The following CNTNAP2 variants were observed in gnomAD, a reference collection of about 807,000 sequenced individuals.
CNTNAP2 encodes the protein contactin-associated protein-like 2.
A neutral mutation model predicts 155.2 loss-of-function variants in CNTNAP2; 98 were observed. The ratio of observed to expected loss-of-function variants is 0.63; its 90% confidence interval spans 0.54 to 0.75. The LOEUF is 0.75. CNTNAP2 is among the 30% of genes least tolerant of loss of function. The probability of loss-of-function intolerance (pLI) is 0.00; values close to 1 mark genes in which losing one functional copy is unlikely to be tolerated. For synonymous variants in CNTNAP2, 651 were observed against 631.2 expected (o/e 1.03, Z -0.47); for missense variants, 1,727 against 1,688.1 (o/e 1.02, Z -0.40).
chr7:148,304,687 C>T (rs1563033772), intron 21 of CNTNAP2, among the ~76,000 whole-genome samples: 1 of 152,200 alleles, frequency 6.6e-6, no homozygotes, highest in East Asian at 1.9e-4. Flanking sequence ...TGTCCTTTAC[C>T]GTCTCCTAGG....
At chr7:146,851,693 TGTGTGTG>T (rs1454070883) in intron 3 of CNTNAP2, among the ~76,000 whole-genome samples, 7 of 147,302 alleles carry the variant, frequency 4.8e-5, no homozygotes, top group African/African-American at 1.8e-4. Flanking sequence ...TGTGTGTGTG[TGTGTGTG>T]TTTTGATGGT....
In CNTNAP2 at chr7:147,378,228, C is replaced by T. The variant is rs899670769; in HGVS notation, c.1499-17381C>T. On this transcript the variant is annotated intron_variant, in intron 9 of 23. Coordinates refer to ENST00000361727, the MANE Select transcript of CNTNAP2 (RefSeq NM_014141.6). The stretch of plus-strand genomic sequence containing the variant: ...ATCTACCTTTCAGTTTACAAACTCA[C>T]TCTGTAGCTTTGTCTCATCTGCTTA... 4.3e-5 allele frequency: 12 copies of T among 276,422 alleles called. No individual in the cohort carries two copies. In the Admixed American group the frequency reaches 5.9e-4, roughly 14 times the overall value. The allele number at this position is 276,422 out of a possible 1,614,324, so 17.1% of individuals were successfully genotyped here. A position where few individuals can be genotyped will look rare whatever the true frequency, so the allele number is the denominator to read the frequency against.
chr7:146,344,422 AT>A (rs1329666635), intron 1 of CNTNAP2, among the ~76,000 whole-genome samples: 1 of 151,926 alleles, frequency 6.6e-6, no homozygotes, highest in Non-Finnish European at 1.5e-5. Context: ...AAACTTCCTT[AT>A]GCAGTGTTGC....
At chr7:147,524,991 T>A (rs1343618970) in intron 11 of CNTNAP2, among the ~76,000 whole-genome samples, 1 of 152,222 alleles carries the variant, frequency 6.6e-6, no homozygotes, top group East Asian at 1.9e-4. Context: ...TTATATCTTG[T>A]TAGCAGGCAA....
intron 1 of CNTNAP2, among the ~76,000 whole-genome samples, chr7:146,619,278 G>A (rs1280731846): frequency 2.0e-5 from 3 of 151,908 alleles, no homozygotes; most frequent in Admixed American, 6.6e-5. Context: ...AAACCCAAAT[G>A]GTGAATTAAA....
chr7:148,153,020 CA>C (rs373499312), intron 17 of CNTNAP2, among the ~76,000 whole-genome samples: 103 of 22,674 alleles, frequency 4.5e-3, no homozygotes, highest in African/African-American at 4.5e-3. Flanking sequence ...GACTCCGTCT[CA>C]AAAAAAAAAA....
chr7:146,417,847 A>T lies in CNTNAP2; in HGVS notation c.97+300874A>T, dbSNP rs909344468. Reference sequence around the variant, plus strand: ...CATCACATAAATCATAAACATCTTCACCAGAAAGTTTTCACTTATTCATTC... The same window carrying T: ...CATCACATAAATCATAAACATCTTCTCCAGAAAGTTTTCACTTATTCATTC... On this transcript the variant is annotated intron_variant, in intron 1 of 23. Transcript: ENST00000361727. Among the ~76,000 whole-genome samples, 9 of 152,284 alleles carry T rather than the reference A, an allele frequency of 5.9e-5. No homozygotes were observed. In the East Asian group the frequency reaches 1.7e-3, roughly 29 times the overall value.
chr7:147,681,383 G>A (rs1029013077), intron 13 of CNTNAP2, among the ~76,000 whole-genome samples: 12 of 151,870 alleles, frequency 7.9e-5, no homozygotes, highest in African/African-American at 2.9e-4. Flanking sequence ...GTGCTTTGGG[G>A]TGTAAGACCC....
At chr7:146,194,848 T>G (rs1174302180) in intron 1 of CNTNAP2, among the ~76,000 whole-genome samples, 1 of 152,186 alleles carries the variant, frequency 6.6e-6, no homozygotes, top group African/African-American at 2.4e-5. Context: ...AGTAGCAAAA[T>G]GTAGTAAGAA....
intron 13 of CNTNAP2, among the ~76,000 whole-genome samples, chr7:147,808,550 C>A (rs1384100793): frequency 1.3e-5 from 2 of 152,208 alleles, no homozygotes; most frequent in Non-Finnish European, 2.9e-5. Flanking sequence ...CTGTGTCTAA[C>A]CCTTGTCCCC....
chr7:147,473,528 T>A (rs1055133433), intron 10 of CNTNAP2, among the ~76,000 whole-genome samples: 15 of 152,070 alleles, frequency 9.9e-5, no homozygotes, highest in Non-Finnish European at 2.1e-4. Flanking sequence ...ATGTAAGTAA[T>A]TTGTTTTAAT....
intron 3 of CNTNAP2, among the ~76,000 whole-genome samples, chr7:146,996,757 G>A (rs568380166): frequency 7.2e-5 from 11 of 152,052 alleles, no homozygotes; most frequent in South Asian, 4.2e-4. Context: ...TAATAGAAGC[G>A]GTGAAAGCAG....
At chr7:146,685,938 G>T (rs1054182309) in intron 1 of CNTNAP2, among the ~76,000 whole-genome samples, 4 of 152,146 alleles carry the variant, frequency 2.6e-5, no homozygotes, top group Admixed American at 6.5e-5. Context: ...AAATGTATTT[G>T]GTTCTTCTAC....
intron 1 of CNTNAP2, among the ~76,000 whole-genome samples, chr7:146,686,935 A>G (rs2129170878): frequency 6.6e-6 from 1 of 152,262 alleles, no homozygotes; most frequent in Middle Eastern, 3.4e-3. Context: ...AGCCAATGCT[A>G]TACTGCAAAA....
intron 1 of CNTNAP2, among the ~76,000 whole-genome samples, chr7:146,279,907 A>G (rs527503951): frequency 1.9e-3 from 289 of 151,962 alleles, no homozygotes; most frequent in Non-Finnish European, 3.2e-3. Flanking sequence ...AATGTAGAAA[A>G]AAGTACTATA....
At chr7:146,829,760 A>G (rs1280805907) in intron 2 of CNTNAP2, among the ~76,000 whole-genome samples, 2 of 152,054 alleles carry the variant, frequency 1.3e-5, no homozygotes, top group African/African-American at 4.8e-5. Flanking sequence ...TCTGTTATAA[A>G]GCTTAACCGT....
chr7:147,141,139 T>C (rs1339038120), intron 8 of CNTNAP2, among the ~76,000 whole-genome samples: 1 of 152,158 alleles, frequency 6.6e-6, no homozygotes, highest in African/African-American at 2.4e-5. Context: ...ATACAAATGG[T>C]AAAGTCATTC....
intron 13 of CNTNAP2, among the ~76,000 whole-genome samples, chr7:147,727,663 G>T (rs185837108): frequency 6.6e-6 from 1 of 151,340 alleles, no homozygotes; most frequent in Non-Finnish European, 1.5e-5. Context: ...GAAGCAGCTC[G>T]TAGCATTTTA....
At chr7:148,158,093 A>G (rs1756298506) in intron 17 of CNTNAP2, among the ~76,000 whole-genome samples, 1 of 152,082 alleles carries the variant, frequency 6.6e-6, no homozygotes, top group Non-Finnish European at 1.5e-5. Context: ...CTTCCCACTT[A>G]CAGTTGCCAT....
Sources: allele counts gnomAD v4.1 joint callset (sites outside exome capture counted in the v4.1 genomes callset), GRCh38; gene constraint gnomAD v4.1.1; transcripts MANE v1.5; gene names NCBI Gene and HGNC (gene_info 2026-07-23, HGNC 2026-07-21).